The following SH3BP4 variants were observed in gnomAD, a reference collection of about 807,000 sequenced individuals.
The protein encoded by SH3BP4 is SH3 domain-binding protein 4.
Under a neutral mutation model 65.5 loss-of-function variants are expected in SH3BP4, and 33 were observed. That is an observed-to-expected ratio of 0.50 (90% CI 0.38 to 0.67). The LOEUF is 0.67. Ranked by LOEUF, SH3BP4 falls within the 30% of genes least tolerant of loss-of-function variation. The pLI is 0.00. For missense variants in SH3BP4, 1,134 were observed against 1,261.4 expected (o/e 0.90, Z 1.53); for synonymous variants, 552 against 545.5 (o/e 1.01, Z -0.17).
intron 1 of SH3BP4, among the ~76,000 whole-genome samples, chr2:234,965,658 A>G (rs1692816749): frequency 6.6e-6 from 1 of 152,120 alleles, no homozygotes; most frequent in Non-Finnish European, 1.5e-5. Context: ...CTGCTTGCTA[A>G]ATTGGGAGTG....
Position 235,042,180 on chromosome 2 carries a change from A to C in SH3BP4, c.1411A>C (p.Asn471His), listed in dbSNP as rs145550022. 169 of 1,614,024 alleles carry C rather than the reference A, an allele frequency of 1.0e-4. No homozygotes were observed. The African/African-American group carries it at 1.9e-3, about 18-fold the overall frequency. Reference protein sequence around the residue: ...LYPSTVWDFINKKVTVGLYGP... With the variant: ...LYPSTVWDFIHKKVTVGLYGP... ...CCCTTCCACCGTGTGGGACTTCATCAATAAAAAAGTCACAGTGGGTCTCTA... is the reference window on the plus strand; with the variant it reads ...CCCTTCCACCGTGTGGGACTTCATCCATAAAAAAGTCACAGTGGGTCTCTA... Residue 471 changes from asparagine to histidine, a missense_variant, in exon 4 of 6, where the codon AAT becomes CAT. By Grantham distance (68) the Asn-to-His change is moderately conservative. Coordinates refer to ENST00000392011, the MANE Select transcript of SH3BP4 (RefSeq NM_014521.3). The surrounding 1 kb of genome is among the most constrained non-coding windows in gnomAD (Gnocchi z 7.3).
intron 4 of SH3BP4, among the ~76,000 whole-genome samples, chr2:235,049,378 C>T (rs1209667896): frequency 6.6e-6 from 1 of 152,186 alleles, no homozygotes; most frequent in Non-Finnish European, 1.5e-5. Context: ...AATGAGGCCA[C>T]TTTGGAGCCA....
intron 1 of SH3BP4, among the ~76,000 whole-genome samples, chr2:234,961,450 T>G (rs1260641085): frequency 6.6e-6 from 1 of 152,108 alleles, no homozygotes. Flanking sequence ...TTTTGTATTT[T>G]TAGTAGAGAC....
chr2:235,035,756 C>T lies in SH3BP4; in HGVS notation c.118+636C>T, dbSNP rs1178897120. Among the ~76,000 whole-genome samples, 1 of 152,142 alleles carries T rather than the reference C, an allele frequency of 6.6e-6. No homozygotes were observed. The highest frequency in any genetic ancestry group is 2.4e-5 in the African/African-American group (1 of 41,420). On this transcript the variant is annotated intron_variant, in intron 3 of 5. Transcript: ENST00000392011. This position sits in a 1 kb window ranked among gnomAD's most constrained non-coding sequence, Gnocchi z 5.0. ...GGTCTCTGGGTTTCTCCAGTGGCCT[C>T]GTAAAATTGAGTTCATGAGAAAACC...
chr2:234,997,189 C>G lies in SH3BP4; in HGVS notation c.-133+1813C>G, dbSNP rs912997737. Among the ~76,000 whole-genome samples, 1 of 152,176 alleles carries G rather than the reference C, an allele frequency of 6.6e-6. No homozygotes were observed. Among genetic ancestry groups the G allele is most frequent in the Non-Finnish European group, 1.5e-5 (1 of 68,034 alleles). On this transcript the variant is annotated intron_variant, in intron 2 of 5. Coordinates refer to ENST00000392011, the MANE Select transcript of SH3BP4 (RefSeq NM_014521.3). The surrounding 1 kb of genome is among the most constrained non-coding windows in gnomAD (Gnocchi z 4.2). ...GGTCCCCACAGCAGTTAGAGACCAT[C>G]CACAGGCCACCACACTTTAAGCTGA...
In SH3BP4 at chr2:235,045,164, G is replaced by A. The variant is rs759657555; in HGVS notation, c.2478+1917G>A. Among the ~76,000 whole-genome samples the A allele has an allele frequency of 7.9e-5, 12 of 152,254 alleles. No homozygotes were observed. The highest frequency in any genetic ancestry group is 3.9e-4 in the East Asian group (2 of 5,152). ...CACCCAGCACAGTGGCAGACAAAGCGCCTCCATCCCGTGAGAGCCTCTGTG... is the reference window on the plus strand; with the variant it reads ...CACCCAGCACAGTGGCAGACAAAGCACCTCCATCCCGTGAGAGCCTCTGTG... On this transcript the variant is annotated intron_variant, in intron 4 of 5. Coordinates refer to ENST00000392011, the MANE Select transcript of SH3BP4 (RefSeq NM_014521.3). The surrounding 1 kb of genome is among the most constrained non-coding windows in gnomAD (Gnocchi z 4.3).
rs936875428 is a variant in SH3BP4 at position 234,976,435 on chromosome 2, G to A, written c.-206-18868G>A. Among the ~76,000 whole-genome samples, 3 of 152,180 alleles carry A rather than the reference G, an allele frequency of 2.0e-5. No individual in the cohort carries two copies. Among genetic ancestry groups the A allele is most frequent in the African/African-American group, 7.2e-5 (3 of 41,438 alleles). On this transcript the variant is annotated intron_variant, in intron 1 of 5. Coordinates refer to ENST00000392011, the MANE Select transcript of SH3BP4 (RefSeq NM_014521.3). This position sits in a 1 kb window ranked among gnomAD's most constrained non-coding sequence, Gnocchi z 4.7. ...TAGATCCTTAGGGGGTGACAGGGCC[G>A]GTGTGTACCAGGTTAAGGTCTCTCT...
chr2:235,038,384 T>TATAC (rs1559254735), intron 3 of SH3BP4, among the ~76,000 whole-genome samples: 1 of 16,512 alleles, frequency 6.1e-5, no homozygotes, highest in South Asian at 1.2e-3. Flanking sequence ...TACATATATA[T>TATAC]ATATATATAT....
In SH3BP4 at chr2:234,952,555, G is replaced by T. The variant is rs989188392; in HGVS notation, c.-207+385G>T. On this transcript the variant is annotated intron_variant, in intron 1 of 5. Coordinates refer to ENST00000392011, the MANE Select transcript of SH3BP4 (RefSeq NM_014521.3). The surrounding 1 kb of genome is among the most constrained non-coding windows in gnomAD (Gnocchi z 6.5). ...TGGGCAACCGGACGCGTCCTCGGGCGCAAATCGGGGGGCGCGCTCGGCTCA... is the reference window on the plus strand; with the variant it reads ...TGGGCAACCGGACGCGTCCTCGGGCTCAAATCGGGGGGCGCGCTCGGCTCA... Among the ~76,000 whole-genome samples the T allele has an allele frequency of 1.4e-4, 22 of 151,804 alleles. No individual in the cohort carries two copies. Among genetic ancestry groups the T allele is most frequent in the Non-Finnish European group, 2.2e-4 (15 of 67,872 alleles).
chr2:235,011,005 C>G (rs1023048639), intron 2 of SH3BP4, among the ~76,000 whole-genome samples: 1 of 148,034 alleles, frequency 6.8e-6, no homozygotes, highest in African/African-American at 2.5e-5. Flanking sequence ...TCCTAGAACC[C>G]TTCCTCCCTC....
intron 2 of SH3BP4, among the ~76,000 whole-genome samples, chr2:235,025,335 A>G (rs749192058): frequency 1.8e-4 from 28 of 152,146 alleles, no homozygotes; most frequent in Non-Finnish European, 4.0e-4. Flanking sequence ...TTCCAGTCCC[A>G]TCCACACCCA....
At chr2:234,972,123 TTTTGTTTTTTG>T (rs1488998287) in intron 1 of SH3BP4, among the ~76,000 whole-genome samples, 2,570 of 146,640 alleles carry the variant, frequency 0.018, 61 homozygotes, top group African/African-American at 0.061. Flanking sequence ...CCTTTTTTTT[TTTTGTTTTTTG>T]TTTTTTTTTT....
chr2:235,042,933 G>A lies in SH3BP4; in HGVS notation c.2164G>A (p.Val722Ile), dbSNP rs757909741. ...CGTGCACACCAAGAACGTGCTGGTG[G>A]TCGGCAGGGCCCGGCCCAGCCTGTG... is the stretch of plus-strand genomic sequence containing the variant. ...GLVHTKNVLV[V>I]GRARPSLCSG... is the part of the protein sequence containing the mutation. The change falls in exon 4 of 6, where the codon GTC (valine) becomes ATC (isoleucine). Residue 722 changes from valine to isoleucine, a missense_variant. Physicochemically the swap from Val to Ile is conservative, Grantham distance 29. Coordinates refer to ENST00000392011, the MANE Select transcript of SH3BP4 (RefSeq NM_014521.3). The surrounding 1 kb of genome is among the most constrained non-coding windows in gnomAD (Gnocchi z 7.3). The A allele has an allele frequency of 2.5e-6, 4 of 1,613,150 alleles. No individual in the cohort carries two copies. Among genetic ancestry groups the A allele is most frequent in the Non-Finnish European group, 3.4e-6 (4 of 1,179,860 alleles).
At chr2:234,990,436 C>T (rs1350979665) in intron 1 of SH3BP4, among the ~76,000 whole-genome samples, 1 of 152,244 alleles carries the variant, frequency 6.6e-6, no homozygotes, top group Non-Finnish European at 1.5e-5. Context: ...TCACCTCAAC[C>T]CTTCAAGAAT....
intron 2 of SH3BP4, among the ~76,000 whole-genome samples, chr2:235,024,189 G>A (rs1344352058): frequency 6.6e-6 from 1 of 152,216 alleles, no homozygotes; most frequent in East Asian, 1.9e-4. Flanking sequence ...TAAAACTGCA[G>A]TTGCTCCCTT....
intron 1 of SH3BP4, among the ~76,000 whole-genome samples, chr2:234,955,042 A>T (rs898466961): frequency 6.6e-6 from 1 of 152,152 alleles, no homozygotes; most frequent in Non-Finnish European, 1.5e-5. Flanking sequence ...TTCAAATTGC[A>T]CACCTAAATT....
rs529226171 is a variant in SH3BP4 at position 235,045,336 on chromosome 2, C to T, written c.2478+2089C>T. ...TACCACACCAGCTGTGGAAAATAAC[C>T]GCCGAGTAGGTGGCTTTTACACTCA... On this transcript the variant is annotated intron_variant, in intron 4 of 5. Coordinates refer to ENST00000392011, the MANE Select transcript of SH3BP4 (RefSeq NM_014521.3). The surrounding 1 kb of genome is among the most constrained non-coding windows in gnomAD (Gnocchi z 4.3). Among the ~76,000 whole-genome samples, 3 of 152,194 alleles carry T rather than the reference C, an allele frequency of 2.0e-5. No individual in the cohort carries two copies. Among genetic ancestry groups the T allele is most frequent in the African/African-American group, 4.8e-5 (2 of 41,458 alleles).
At chr2:235,039,447 G>A (rs1695563125) in intron 3 of SH3BP4, among the ~76,000 whole-genome samples, 2 of 151,178 alleles carry the variant, frequency 1.3e-5, no homozygotes, top group Non-Finnish European at 1.5e-5. Flanking sequence ...AACTAAAAAC[G>A]GATTCCTTTC....
chr2:234,987,559 G>A (rs1053007090), intron 1 of SH3BP4, among the ~76,000 whole-genome samples: 1 of 152,112 alleles, frequency 6.6e-6, no homozygotes, highest in African/African-American at 2.4e-5. Context: ...TCCCCAGGCC[G>A]CCTCCCCCCA....
Sources: gnomAD v4.1 joint callset for allele counts (sites outside exome capture counted in the v4.1 genomes callset) on GRCh38, gnomAD v4.1.1 for gene constraint, Gnocchi (gnomAD v3.1) non-coding constraint, MANE v1.5 for transcripts, NCBI Gene and HGNC (gene_info 2026-07-23, HGNC 2026-07-21) for gene names.